The following AGPAT3 variants were observed in gnomAD, a reference collection of about 807,000 sequenced individuals.
The protein encoded by AGPAT3 is 1-acylglycerol-3-phosphate O-acyltransferase 3.
AGPAT3 carries 5 observed loss-of-function variants against 47.3 expected under a neutral mutation model. The observed-to-expected ratio is 0.11, with a 90% CI of 0.06 to 0.22. The LOEUF (loss-of-function observed/expected upper bound fraction) is 0.22, where lower values mean the gene tolerates loss of function less well. AGPAT3 is among the 10% of genes least tolerant of loss of function. The pLI is 1.00. For missense variants in AGPAT3, 315 were observed against 493.0 expected, an observed-to-expected ratio of 0.64 and a Z score of 3.42; for synonymous variants, 212 against 208.3, an observed-to-expected ratio of 1.02 and a Z score of -0.15.
intron 7 of AGPAT3, among the ~76,000 whole-genome samples, chr21:43,971,929 A>G (rs2089413071): frequency 6.6e-6 from 1 of 151,962 alleles, no homozygotes; most frequent in South Asian, 2.1e-4. Context: ...CCACAGTCAC[A>G]CGACCTGGGG....
chr21:43,907,229 A>G (rs181271405), intron 2 of AGPAT3, among the ~76,000 whole-genome samples: 16 of 151,606 alleles, frequency 1.1e-4, no homozygotes, highest in African/African-American at 3.6e-4. Flanking sequence ...GGGTTTTGCC[A>G]TGTTGCCCAG....
intron 1 of AGPAT3, among the ~76,000 whole-genome samples, chr21:43,894,027 A>T (rs2086158788): frequency 6.6e-6 from 1 of 151,956 alleles, no homozygotes; most frequent in African/African-American, 2.4e-5. Context: ...CGCTGCAAAA[A>T]CTCAGTATCT....
intron 2 of AGPAT3, among the ~76,000 whole-genome samples, chr21:43,940,728 A>G (rs1601367323): frequency 6.6e-6 from 1 of 152,256 alleles, no homozygotes; most frequent in East Asian, 1.9e-4. Flanking sequence ...CACCCTGAGC[A>G]GAAAATGCGT....
At chr21:43,872,988 T>A (rs1276732159) in intron 1 of AGPAT3, among the ~76,000 whole-genome samples, 1 of 152,098 alleles carries the variant, frequency 6.6e-6, no homozygotes, top group Non-Finnish European at 1.5e-5. Flanking sequence ...AGCTGCGGCC[T>A]CCCCCTGCCG....
At chr21:43,935,615 G>A (rs1271760348) in intron 2 of AGPAT3, among the ~76,000 whole-genome samples, 1 of 152,242 alleles carries the variant, frequency 6.6e-6, no homozygotes, top group Non-Finnish European at 1.5e-5. Flanking sequence ...CTCACTGCTC[G>A]GTAGGGGCAT....
chr21:43,976,853 G>A (rs995142781), intron 7 of AGPAT3, among the ~76,000 whole-genome samples: 1 of 152,332 alleles, frequency 6.6e-6, no homozygotes. Flanking sequence ...CGCTGTGGAC[G>A]TGGCAGCCCC....
At chr21:43,905,907 C>T (rs1279790393) in intron 2 of AGPAT3, among the ~76,000 whole-genome samples, 1 of 152,178 alleles carries the variant, frequency 6.6e-6, no homozygotes, top group Admixed American at 6.5e-5. Context: ...TCTGATCTGT[C>T]AGGTGCAGGG....
At chr21:43,868,057 G>A (rs1392442541) in intron 1 of AGPAT3, among the ~76,000 whole-genome samples, 5 of 152,206 alleles carry the variant, frequency 3.3e-5, no homozygotes, top group Non-Finnish European at 4.4e-5. Flanking sequence ...AGGCTTTCAT[G>A]TAGTCATTTA....
rs2030041454 is a variant in AGPAT3 at position 43,984,434 on chromosome 21, T to C, written c.*2042T>C. 1 of 152,526 alleles carries C rather than the reference T, an allele frequency of 6.6e-6. No homozygotes were observed. Among genetic ancestry groups the C allele is most frequent in the Non-Finnish European group, 1.5e-5 (1 of 68,264 alleles). The allele number at this position is 152,526 out of a possible 1,614,324, so 9.4% of individuals were successfully genotyped here. ...ACATATGTGACCTGGAAAATGCAAA[T>C]TTAGATCTTTTATGATTTAATTATT... On this transcript the variant is annotated 3_prime_UTR_variant, in exon 10 of 10. Coordinates refer to ENST00000291572, the MANE Select transcript of AGPAT3 (RefSeq NM_020132.5).
chr21:43,876,426 A>T (rs1269979913), intron 1 of AGPAT3, among the ~76,000 whole-genome samples: 2 of 152,212 alleles, frequency 1.3e-5, no homozygotes, highest in Non-Finnish European at 2.9e-5. Context: ...GGATTCCTGC[A>T]AGGCTTGAAG....
chr21:43,866,547 T>G (rs961890615), intron 1 of AGPAT3: 3 of 152,216 alleles, frequency 2.0e-5, no homozygotes, highest in Admixed American at 2.0e-4. Context: ...TGCTGAGCAC[T>G]CTCTTGATTT....
intron 2 of AGPAT3, among the ~76,000 whole-genome samples, chr21:43,945,453 C>G (rs1199603477): frequency 1.3e-5 from 2 of 152,222 alleles, no homozygotes; most frequent in Admixed American, 1.3e-4. Context: ...TCTTTTACTT[C>G]AAAATGTTTG....
At chr21:43,927,409 TG>T (rs2087093353) in intron 2 of AGPAT3, among the ~76,000 whole-genome samples, 2 of 152,198 alleles carry the variant, frequency 1.3e-5, no homozygotes, top group Non-Finnish European at 2.9e-5. Flanking sequence ...TCCCCCAGGC[TG>T]TGAGGCTATC....
rs1364843478 is a variant in AGPAT3, at chr21:43,983,984, G to A, written c.*1592G>A. On this transcript the variant is annotated 3_prime_UTR_variant, in exon 10 of 10. Coordinates refer to ENST00000291572, the MANE Select transcript of AGPAT3 (RefSeq NM_020132.5). ...GTGTCCTGGGGAGATTGGAGGGGAC[G>A]GCAGCGTTCTGCATGATGGAGGCGC... 6.6e-6 allele frequency: 1 copy of A among 152,216 alleles called. No individual in the cohort carries two copies. The highest frequency in any genetic ancestry group is 1.5e-5 in the Non-Finnish European group (1 of 68,034). The allele number at this position is 152,216 out of a possible 1,614,324, so 9.4% of individuals were successfully genotyped here. A position where few individuals can be genotyped will look rare whatever the true frequency, so the allele number is the denominator to read the frequency against.
At chr21:43,884,282 CCCCTCCTCCTTCT>C (rs2085920603) in intron 1 of AGPAT3, among the ~76,000 whole-genome samples, 1 of 143,480 alleles carries the variant, frequency 7.0e-6, no homozygotes, top group Admixed American at 7.0e-5. Context: ...CTCCTCCTTC[CCCCTCCTCCTTCT>C]CTCCTGCTGA....
chr21:43,933,548 C>T lies in AGPAT3; in HGVS notation c.-48-26086C>T, dbSNP rs568418306. On this transcript the variant is annotated intron_variant, in intron 2 of 9. Coordinates refer to ENST00000291572, the MANE Select transcript of AGPAT3 (RefSeq NM_020132.5). This position sits in a 1 kb window ranked among gnomAD's most constrained non-coding sequence, Gnocchi z 6.0. Reference sequence around the variant, plus strand: ...GCCCAGCATTGTTCTCAGTGCGCCCCGGGGGTCTTTGGTTCTCCATAGCCT... The same window carrying T: ...GCCCAGCATTGTTCTCAGTGCGCCCTGGGGGTCTTTGGTTCTCCATAGCCT... Among the ~76,000 whole-genome samples, 55 of 152,170 alleles carry T rather than the reference C, an allele frequency of 3.6e-4. No individual in the cohort carries two copies. The highest frequency in any genetic ancestry group is 6.3e-4 in the Non-Finnish European group (43 of 68,026).
intron 2 of AGPAT3, among the ~76,000 whole-genome samples, chr21:43,938,745 G>A (rs2087536123): frequency 6.6e-6 from 1 of 152,194 alleles, no homozygotes; most frequent in South Asian, 2.1e-4. Context: ...AAACTTAGCA[G>A]CGAAAACAGC....
Position 43,934,451 on chromosome 21 carries a change from G to A in AGPAT3, c.-48-25183G>A, listed in dbSNP as rs965055404. Reference sequence around the variant, plus strand: ...CCTGCGTGGCAGCGCAACCTCGTTGGTAGAGTCAGGAGGCTGGGCCTCCAC... The same window carrying A: ...CCTGCGTGGCAGCGCAACCTCGTTGATAGAGTCAGGAGGCTGGGCCTCCAC... On this transcript the variant is annotated intron_variant, in intron 2 of 9. Coordinates refer to ENST00000291572, the MANE Select transcript of AGPAT3 (RefSeq NM_020132.5). This position sits in a 1 kb window ranked among gnomAD's most constrained non-coding sequence, Gnocchi z 4.7. 6.6e-6 allele frequency among the ~76,000 whole-genome samples: 1 copy of A among 152,286 alleles called. No individual in the cohort carries two copies. Among genetic ancestry groups the A allele is most frequent in the African/African-American group, 2.4e-5 (1 of 41,480 alleles).
intron 1 of AGPAT3, among the ~76,000 whole-genome samples, chr21:43,903,502 G>A (rs1053925298): frequency 6.6e-6 from 1 of 152,236 alleles, no homozygotes. Flanking sequence ...GCTGGGCTGG[G>A]CTGGATTTTG....
Sources: allele counts gnomAD v4.1 joint callset (sites outside exome capture counted in the v4.1 genomes callset), GRCh38; gene constraint gnomAD v4.1.1; non-coding constraint Gnocchi (gnomAD v3.1); transcripts MANE v1.5; gene names NCBI Gene and HGNC (gene_info 2026-07-23, HGNC 2026-07-21).